The following HIVEP3 variants were observed in gnomAD, a reference collection of about 807,000 sequenced individuals.
HIVEP3 encodes the protein HIVEP zinc finger 3.
A neutral mutation model predicts 152.8 loss-of-function variants in HIVEP3; 49 were observed. The observed-to-expected ratio is 0.32, with a 90% confidence interval of 0.26 to 0.41. HIVEP3 has a LOEUF of 0.41. Ranked by LOEUF, HIVEP3 falls within the 10% of genes least tolerant of loss-of-function variation. HIVEP3 has a pLI of 1.00. For missense variants in HIVEP3, 2,790 were observed against 3,103.3 expected, an observed-to-expected ratio of 0.90 and a Z score of 2.40; for synonymous variants, 1,269 against 1,289.0, an observed-to-expected ratio of 0.98 and a Z score of 0.33.
intron 1 of HIVEP3, among the ~76,000 whole-genome samples, chr1:41,828,089 C>T (rs1034582114): frequency 6.6e-6 from 1 of 152,198 alleles, no homozygotes; most frequent in Non-Finnish European, 1.5e-5. Flanking sequence ...AAGCTTCTGC[C>T]AGCAGGAGTT....
At chr1:41,753,756 T>C (rs984318739) in intron 1 of HIVEP3, among the ~76,000 whole-genome samples, 6 of 152,180 alleles carry the variant, frequency 3.9e-5, no homozygotes, top group Non-Finnish European at 8.8e-5. Context: ...GTTTACTAGG[T>C]GGCCGTTCAT....
At chr1:41,736,880 C>T (rs1288348281) in intron 1 of HIVEP3, among the ~76,000 whole-genome samples, 2 of 152,096 alleles carry the variant, frequency 1.3e-5, no homozygotes, top group African/African-American at 4.8e-5. Context: ...AGGAGGAGTT[C>T]TGGCTCTTTT....
intron 1 of HIVEP3, among the ~76,000 whole-genome samples, chr1:42,029,106 G>A (rs1645598225): frequency 1.3e-5 from 2 of 152,162 alleles, no homozygotes; most frequent in Admixed American, 1.3e-4. Flanking sequence ...GAATACCAGG[G>A]TACAACTTCT....
At chr1:41,900,934 G>C (rs988779173) in intron 1 of HIVEP3, among the ~76,000 whole-genome samples, 3 of 152,094 alleles carry the variant, frequency 2.0e-5, no homozygotes, top group African/African-American at 7.2e-5. Flanking sequence ...TTACAGACAT[G>C]ATTAGGGCCC....
chr1:41,538,195 C>T (rs2149067049), intron 5 of HIVEP3, among the ~76,000 whole-genome samples: 1 of 152,244 alleles, frequency 6.6e-6, no homozygotes, highest in African/African-American at 2.4e-5. Context: ...AGACCTGAGA[C>T]TCCTGTTTTA....
At chr1:41,632,063 C>G (rs1443445622) in intron 2 of HIVEP3, among the ~76,000 whole-genome samples, 1 of 152,130 alleles carries the variant, frequency 6.6e-6, no homozygotes, top group Non-Finnish European at 1.5e-5. Context: ...CAGAATACCC[C>G]AAGCACATTT....
intron 1 of HIVEP3, among the ~76,000 whole-genome samples, chr1:41,849,252 G>C (rs1643527978): frequency 6.6e-6 from 1 of 152,134 alleles, no homozygotes; most frequent in South Asian, 2.1e-4. Flanking sequence ...TTATTCTATG[G>C]CACCTGAGAC....
At chr1:41,779,022 A>G (rs1258828627) in intron 1 of HIVEP3, among the ~76,000 whole-genome samples, 1 of 152,188 alleles carries the variant, frequency 6.6e-6, no homozygotes, top group Non-Finnish European at 1.5e-5. Flanking sequence ...GGCCTACTCC[A>G]TACCTCATAC....
At chr1:41,521,286 C>A (rs1406985977) in intron 6 of HIVEP3, among the ~76,000 whole-genome samples, 1 of 152,216 alleles carries the variant, frequency 6.6e-6, no homozygotes, top group Non-Finnish European at 1.5e-5. Context: ...CTCTGCCACG[C>A]ACCATGCTGG....
chr1:41,907,365 G>A (rs1644730757), intron 1 of HIVEP3, among the ~76,000 whole-genome samples: 1 of 152,314 alleles, frequency 6.6e-6, no homozygotes, highest in Admixed American at 6.5e-5. Context: ...TGCGGTAGCA[G>A]CAAGGTGAGC....
intron 1 of HIVEP3, among the ~76,000 whole-genome samples, chr1:41,772,335 A>G (rs1648428439): frequency 6.6e-6 from 1 of 152,224 alleles, no homozygotes. Context: ...TTTTGGGGAC[A>G]TGAGATGTGC....
At chr1:41,967,115 C>A (rs906080375) in intron 1 of HIVEP3, among the ~76,000 whole-genome samples, 2 of 152,138 alleles carry the variant, frequency 1.3e-5, no homozygotes, top group South Asian at 2.1e-4. Flanking sequence ...GACATTAACA[C>A]CCCACTGCCA....
Position 41,581,980 on chromosome 1 carries a change from A to G in HIVEP3, c.2818T>C (p.Leu940=), listed in dbSNP as rs1329996549. The change falls in exon 4 of 9, where the codon TTG becomes CTG. Residue 940 remains leucine, a synonymous_variant. Coordinates refer to ENST00000372583, the MANE Select transcript of HIVEP3 (RefSeq NM_024503.5). The surrounding 1 kb of genome is among the most constrained non-coding windows in gnomAD (Gnocchi z 4.5). ...RSPSQESNVS[L]SGSSRSASFE... ...GAGGCTGAGCGGCTGGACCCACTCA[A>G]AGAGACATTGCTTTCCTGGCTCGGG... is the stretch of plus-strand genomic sequence containing the variant. The G allele has an allele frequency of 1.9e-6, 3 of 1,614,104 alleles. No homozygotes were observed. In the Admixed American group the frequency reaches 5.0e-5, roughly 27 times the overall value.
Position 41,876,607 on chromosome 1 carries a change from C to G in HIVEP3, c.-801+41806G>C, listed in dbSNP as rs574759308. Among the ~76,000 whole-genome samples, 15 of 152,092 alleles carry G rather than the reference C, an allele frequency of 9.9e-5. No homozygotes were observed. In the South Asian group the frequency reaches 3.1e-3, roughly 32 times the overall value. The stretch of plus-strand genomic sequence containing the variant: ...ATTGCTATTGTTATTATTACTAAAC[C>G]CAGGTCTCCTAAATCCCCAACCAGG... On this transcript the variant is annotated intron_variant, in intron 1 of 8. Coordinates refer to ENST00000372583, the MANE Select transcript of HIVEP3 (RefSeq NM_024503.5).
At chr1:41,718,543 C>A (rs1332241221) in intron 1 of HIVEP3, among the ~76,000 whole-genome samples, 1 of 152,094 alleles carries the variant, frequency 6.6e-6, no homozygotes, top group Non-Finnish European at 1.5e-5. Context: ...GAGATTGAAC[C>A]CTGCTGGAAT....
intron 2 of HIVEP3, among the ~76,000 whole-genome samples, chr1:41,650,900 T>C (rs1645538964): frequency 6.6e-6 from 1 of 152,240 alleles, no homozygotes; most frequent in Non-Finnish European, 1.5e-5. Context: ...AAATGCACCA[T>C]AAATTTTTTA....
chr1:41,813,461 C>A (rs2124331193), intron 1 of HIVEP3, among the ~76,000 whole-genome samples: 1 of 152,340 alleles, frequency 6.6e-6, no homozygotes, highest in Non-Finnish European at 1.5e-5. Flanking sequence ...GACCTAGTGA[C>A]ACACAGGGTG....
At chr1:41,899,636 G>A (rs1644588857) in intron 1 of HIVEP3, among the ~76,000 whole-genome samples, 1 of 152,150 alleles carries the variant, frequency 6.6e-6, no homozygotes, top group Non-Finnish European at 1.5e-5. Flanking sequence ...TTGAACTCCT[G>A]ATGTCAGCTG....
chr1:41,529,009 ACT>A (rs1418509336), intron 5 of HIVEP3, among the ~76,000 whole-genome samples: 2 of 99,798 alleles, frequency 2.0e-5, no homozygotes, highest in Admixed American at 1.1e-4. Context: ...CTGCCCTCAC[ACT>A]CACACCACTG....
Sources: allele counts gnomAD v4.1 joint callset (sites outside exome capture counted in the v4.1 genomes callset), GRCh38; gene constraint gnomAD v4.1.1; non-coding constraint Gnocchi (gnomAD v3.1); transcripts MANE v1.5; gene names NCBI Gene and HGNC (gene_info 2026-07-23, HGNC 2026-07-21).